ERC1: variants seen among roughly 807,000 people sequenced by gnomAD.
ERC1 encodes the protein RAB6 interacting protein 2.
ERC1 carries 56 observed loss-of-function variants against 132.0 expected under a neutral mutation model. The ratio of observed to expected loss-of-function variants is 0.42; its 90% confidence interval spans 0.34 to 0.53. The LOEUF is 0.53. Ranked by LOEUF, ERC1 falls within the 20% of genes least tolerant of loss-of-function variation. The pLI is 0.03. For synonymous variants in ERC1, 478 were observed against 476.1 expected (o/e 1.00, Z -0.05); for missense variants, 1,202 against 1,349.9 (o/e 0.89, Z 1.72).
intron 13 of ERC1, among the ~76,000 whole-genome samples, chr12:1,249,121 G>A (rs1381904361): frequency 6.6e-6 from 1 of 151,930 alleles, no homozygotes; most frequent in African/African-American, 2.4e-5. Flanking sequence ...TGAACTCCTG[G>A]CCTCAAGCAG....
At chr12:1,245,439 A>G (rs1161515058) in intron 13 of ERC1, among the ~76,000 whole-genome samples, 1 of 152,214 alleles carries the variant, frequency 6.6e-6, no homozygotes, top group South Asian at 2.1e-4. Flanking sequence ...TATATGTAGC[A>G]TCCATTCCTT....
At position 1,114,374 on chromosome 12, in the gene ERC1, C is replaced by A. The variant is rs144053059; in HGVS notation, c.1402-1492C>A. Among the ~76,000 whole-genome samples the A allele has an allele frequency of 4.0e-3, 603 of 152,186 alleles. 1 individual carries two copies. Among genetic ancestry groups the A allele is most frequent in the African/African-American group, 0.013 (534 of 41,514 alleles). ...TCTTTTCTTTCTTAGTCTTTAAGGTCAATATAGCATTATTTGAAGCTTACT... is the reference window on the plus strand; with the variant it reads ...TCTTTTCTTTCTTAGTCTTTAAGGTAAATATAGCATTATTTGAAGCTTACT... On this transcript the variant is annotated intron_variant, in intron 6 of 18. Transcript: ENST00000360905.
chr12:1,483,873 T>G (rs1401818237), intron 18 of ERC1, among the ~76,000 whole-genome samples: 1 of 151,850 alleles, frequency 6.6e-6, no homozygotes, highest in Non-Finnish European at 1.5e-5. Context: ...TTTGTATGTT[T>G]AGTAGAGACG....
intron 2 of ERC1, among the ~76,000 whole-genome samples, chr12:1,072,755 C>T (rs888118507): frequency 3.3e-5 from 5 of 152,086 alleles, no homozygotes; most frequent in South Asian, 2.1e-4. Context: ...TGCAGTGGTG[C>T]GATCTCGGCT....
At chr12:1,457,754 A>T (rs2093568671) in intron 18 of ERC1, among the ~76,000 whole-genome samples, 1 of 152,114 alleles carries the variant, frequency 6.6e-6, no homozygotes. Flanking sequence ...TTAGCCAAGT[A>T]TGGTGGTGCA....
intron 3 of ERC1, among the ~76,000 whole-genome samples, chr12:1,099,102 G>A (rs2154196575): frequency 6.6e-6 from 1 of 152,280 alleles, no homozygotes; most frequent in South Asian, 2.1e-4. Context: ...TTCGTTGGTG[G>A]TCTTGATGAG....
At chr12:1,372,025 C>A in intron 16 of ERC1, 48 bp downstream of exon 16, 1 of 1,599,546 alleles carries the variant, frequency 6.3e-7, no homozygotes, top group Non-Finnish European at 8.5e-7. Flanking sequence ...GCTTTCACAC[C>A]ATTCTCCACA....
chr12:1,076,380 A>AT (rs139225685), intron 2 of ERC1, among the ~76,000 whole-genome samples: 29,992 of 140,702 alleles, frequency 0.21, 3,423 homozygotes, highest in Middle Eastern at 0.28. Flanking sequence ...TGTAGAACTG[A>AT]TTTTTTTTTT....
chr12:1,485,945 T>G (rs896831888), intron 18 of ERC1, among the ~76,000 whole-genome samples: 4 of 152,254 alleles, frequency 2.6e-5, no homozygotes, highest in African/African-American at 9.6e-5. Flanking sequence ...TTAACCAGTT[T>G]GGAATTTATG....
intron 16 of ERC1, among the ~76,000 whole-genome samples, chr12:1,392,436 T>C (rs1330068251): frequency 6.6e-6 from 1 of 152,200 alleles, no homozygotes; most frequent in African/African-American, 2.4e-5. Context: ...TGAATTTTAA[T>C]GCTTACATGC....
intron 8 of ERC1, among the ~76,000 whole-genome samples, chr12:1,160,213 A>G (rs963089528): frequency 2.0e-5 from 3 of 152,200 alleles, no homozygotes; most frequent in Admixed American, 6.5e-5. Flanking sequence ...CGTGCTCTGT[A>G]TACTTTCGTA....
intron 7 of ERC1, among the ~76,000 whole-genome samples, chr12:1,129,637 C>T (rs991351462): frequency 5.9e-5 from 9 of 152,078 alleles, no homozygotes; most frequent in African/African-American, 1.7e-4. Flanking sequence ...AATATGGTAG[C>T]GTAAAATCTT....
At chr12:1,278,873 T>C (rs1594743859) in intron 14 of ERC1, among the ~76,000 whole-genome samples, 1 of 152,186 alleles carries the variant, frequency 6.6e-6, no homozygotes, top group Admixed American at 6.5e-5. Flanking sequence ...ACTCTTTCTT[T>C]TAGAATACGG....
At chr12:1,092,030 G>A (rs1237712322) in intron 3 of ERC1, among the ~76,000 whole-genome samples, 1 of 145,750 alleles carries the variant, frequency 6.9e-6, no homozygotes, top group Non-Finnish European at 1.5e-5. Flanking sequence ...ACGGAGTCTC[G>A]CTCTGTTGCC....
In ERC1 at chr12:1,083,264, C is replaced by T. The variant is rs770699004; in HGVS notation, c.770C>T (p.Pro257Leu). The change falls in exon 3 of 19, where the codon CCT becomes CTT. Residue 257 changes from proline to leucine, a missense_variant. By Grantham distance (98) the Pro-to-Leu change is moderately conservative. Transcript: ENST00000360905. ...QQDSSSRTGE[P>L]CVAELTEENF... The stretch of plus-strand genomic sequence containing the variant: ...GATAGTAGCAGCAGGACTGGCGAAC[C>T]TTGTGTAGCAGAGCTGACAGAGGAG... 30 of 1,614,034 alleles carry T rather than the reference C, an allele frequency of 1.9e-5. No individual in the cohort carries two copies. In the South Asian group the frequency reaches 3.3e-4, roughly 18 times the overall value.
rs563289998 is a variant in ERC1, at chr12:1,188,822, G to A, written c.2158-1037G>A. Among the ~76,000 whole-genome samples, 11 of 152,008 alleles carry A rather than the reference G, an allele frequency of 7.2e-5. No individual in the cohort carries two copies. The East Asian group carries it at 1.9e-3, about 27-fold the overall frequency. ...AATATTTTTTCAAACCATTTTAAGGGACTAAATATATTCTGTTGTCTATTG... is the reference window on the plus strand; with the variant it reads ...AATATTTTTTCAAACCATTTTAAGGAACTAAATATATTCTGTTGTCTATTG... On this transcript the variant is annotated intron_variant, in intron 11 of 18. Transcript: ENST00000360905.
intron 1 of ERC1, among the ~76,000 whole-genome samples, chr12:1,000,775 TAA>T (rs1194033168): frequency 6.6e-6 from 1 of 152,100 alleles, no homozygotes; most frequent in Non-Finnish European, 1.5e-5. Flanking sequence ...CAAAAAAAAT[TAA>T]GTGTCTGAAA....
intron 18 of ERC1, among the ~76,000 whole-genome samples, chr12:1,467,851 C>T (rs570927860): frequency 2.0e-5 from 3 of 152,302 alleles, no homozygotes; most frequent in Non-Finnish European, 2.9e-5. Flanking sequence ...CTAGATCCCT[C>T]GCGTGCGTGG....
At position 1,495,313 on chromosome 12, in the gene ERC1, G is replaced by A. The variant is rs774082591; in HGVS notation, c.*5083G>A. ...TCCATGTCAGTTCCTTCTGGCTTCA[G>A]GCCCTCAATTATTTCCCTTTGAGCT... On this transcript the variant is annotated 3_prime_UTR_variant, in exon 19 of 19. Coordinates refer to ENST00000360905, the MANE Select transcript of ERC1 (RefSeq NM_178040.4). 4.4e-6 allele frequency: 1 copy of A among 229,630 alleles called. No individual in the cohort carries two copies. Among genetic ancestry groups the A allele is most frequent in the African/African-American group, 2.2e-5 (1 of 45,112 alleles). The allele number at this position is 229,630 out of a possible 1,614,324, so 14.2% of individuals were successfully genotyped here.
Sources: allele counts gnomAD v4.1 joint callset (sites outside exome capture counted in the v4.1 genomes callset), GRCh38; gene constraint gnomAD v4.1.1; transcripts MANE v1.5; gene names NCBI Gene and HGNC (gene_info 2026-07-23, HGNC 2026-07-21).